TMEM131: variants seen among roughly 807,000 people sequenced by gnomAD.
The protein encoded by TMEM131 is 2610524E03Rik.
In TMEM131, 66 loss-of-function variants were observed where a neutral mutation model predicts 211.6. The ratio of observed to expected loss-of-function variants is 0.31; its 90% CI spans 0.26 to 0.38. The LOEUF (loss-of-function observed/expected upper bound fraction) is 0.38, where lower values mean the gene tolerates loss of function less well. Among genes scored for constraint, TMEM131 ranks in the 10% least tolerant of loss-of-function variants. The probability of loss-of-function intolerance (pLI) is 1.00; values close to 1 mark genes in which losing one functional copy is unlikely to be tolerated. For missense variants in TMEM131, 2,036 were observed against 2,299.3 expected (o/e 0.89, Z 2.34); for synonymous variants, 844 against 841.3 (o/e 1.00, Z -0.06).
chr2:97,922,699 A>G (rs1257840598), intron 2 of TMEM131, among the ~76,000 whole-genome samples: 2 of 152,188 alleles, frequency 1.3e-5, no homozygotes, highest in African/African-American at 4.8e-5. Context: ...TGTTAAAATT[A>G]CAGGGAAAGG....
At chr2:97,978,894 T>G (rs1210417409) in intron 1 of TMEM131, among the ~76,000 whole-genome samples, 1 of 152,204 alleles carries the variant, frequency 6.6e-6, no homozygotes, top group East Asian at 1.9e-4. Flanking sequence ...CAGATCCAAC[T>G]GAGGACTCAG....
intron 1 of TMEM131, among the ~76,000 whole-genome samples, chr2:97,988,963 T>C (rs896723245): frequency 6.6e-6 from 1 of 152,220 alleles, no homozygotes; most frequent in African/African-American, 2.4e-5. Context: ...CATACTCAAC[T>C]TCACAGCATT....
At chr2:97,981,209 C>G (rs1679783136) in intron 1 of TMEM131, among the ~76,000 whole-genome samples, 1 of 151,854 alleles carries the variant, frequency 6.6e-6, no homozygotes, top group African/African-American at 2.4e-5. Context: ...GCATAATGAT[C>G]CATTATGTGG....
At chr2:97,957,916 C>T (rs1190866953) in intron 1 of TMEM131, among the ~76,000 whole-genome samples, 1 of 152,158 alleles carries the variant, frequency 6.6e-6, no homozygotes, top group Non-Finnish European at 1.5e-5. Flanking sequence ...CCTCAAGGAA[C>T]TCATACACTG....
intron 8 of TMEM131, 126 bp downstream of exon 8, chr2:97,836,951 T>C: frequency 1.3e-6 from 1 of 747,910 alleles, no homozygotes; most frequent in Non-Finnish European, 2.2e-6. Context: ...TAAATTAACA[T>C]TAAGACAACG....
At chr2:97,784,687 A>C (rs1271155509) in intron 31 of TMEM131, among the ~76,000 whole-genome samples, 1 of 151,914 alleles carries the variant, frequency 6.6e-6, no homozygotes, top group Non-Finnish European at 1.5e-5. Context: ...TCCACTTTAC[A>C]TAACTAAAAA....
chr2:97,962,865 T>C (rs1678883277), intron 1 of TMEM131, among the ~76,000 whole-genome samples: 1 of 152,206 alleles, frequency 6.6e-6, no homozygotes. Flanking sequence ...TAACGTGAAT[T>C]TCAAAAGCAT....
In TMEM131 at chr2:97,818,463, CGGGGG is replaced by C. The variant is rs1184208506; in HGVS notation, c.1183+145_1183+149del. On this transcript the variant is annotated intron_variant, in intron 12 of 40. Transcript: ENST00000186436. ...AGTAAGAGTTCATGATGGTTTACAG[CGGGGG>C]GGGGCGGGGGGGGATCAACCTAAGC... 9.2e-5 allele frequency: 26 copies of C among 283,890 alleles called. 4 individuals carry two copies. Among genetic ancestry groups the C allele is most frequent in the African/African-American group, 1.4e-4 (2 of 14,002 alleles). 17.6% of individuals were successfully genotyped at this position (283,890 alleles called of 1,614,324 possible). A position where few individuals can be genotyped will look rare whatever the true frequency, so the allele number is the denominator to read the frequency against.
chr2:97,882,139 G>A (rs1674961928), intron 4 of TMEM131, among the ~76,000 whole-genome samples: 1 of 152,134 alleles, frequency 6.6e-6, no homozygotes, highest in South Asian at 2.1e-4. Flanking sequence ...ATTTTCTAGA[G>A]TCAGAAGTTC....
chr2:97,821,175 C>A (rs759404413), intron 11 of TMEM131, among the ~76,000 whole-genome samples: 2 of 152,132 alleles, frequency 1.3e-5, no homozygotes, highest in Non-Finnish European at 2.9e-5. Flanking sequence ...TGTAAACACA[C>A]CAATCAGTGC....
At chr2:97,995,437 G>A in intron 1 of TMEM131, 39 bp downstream of exon 1, 1 of 1,327,296 alleles carries the variant, frequency 7.5e-7, no homozygotes, top group Non-Finnish European at 9.6e-7. Context: ...AGAGCGGGGT[G>A]ACAGCCCCGC....
chr2:97,872,841 G>C lies in TMEM131; in HGVS notation c.360-13414C>G, dbSNP rs745981182. Among the ~76,000 whole-genome samples, 67 of 152,176 alleles carry C rather than the reference G, an allele frequency of 4.4e-4. 1 individual carries two copies. The highest frequency in any genetic ancestry group is 3.7e-3 in the Admixed American group (56 of 15,284). ...TGGGCAGTCACCGAACTAACTTCATGAGTTCTTTTTTTTCCATACCCCATT... is the reference window on the plus strand; with the variant it reads ...TGGGCAGTCACCGAACTAACTTCATCAGTTCTTTTTTTTCCATACCCCATT... On this transcript the variant is annotated intron_variant, in intron 4 of 40. Coordinates refer to ENST00000186436, the MANE Select transcript of TMEM131 (RefSeq NM_015348.2).
At chr2:97,971,147 T>C (rs1318208292) in intron 1 of TMEM131, among the ~76,000 whole-genome samples, 2 of 152,234 alleles carry the variant, frequency 1.3e-5, no homozygotes, top group Admixed American at 6.5e-5. Flanking sequence ...AGAGCTGCTA[T>C]ACATAAATTA....
chr2:97,940,764 G>A (rs1490811629), intron 1 of TMEM131, among the ~76,000 whole-genome samples: 3 of 150,616 alleles, frequency 2.0e-5, no homozygotes, highest in Admixed American at 2.0e-4. Context: ...AGCCAAGATC[G>A]TGGCACTGCA....
intron 12 of TMEM131, among the ~76,000 whole-genome samples, chr2:97,817,983 T>C (rs1334478220): frequency 2.0e-5 from 3 of 152,230 alleles, no homozygotes; most frequent in Non-Finnish European, 4.4e-5. Flanking sequence ...TAAGTCATTA[T>C]TTTAAAAATG....
intron 1 of TMEM131, among the ~76,000 whole-genome samples, chr2:97,938,595 C>T (rs1214997323): frequency 1.3e-5 from 2 of 152,122 alleles, no homozygotes; most frequent in Non-Finnish European, 2.9e-5. Flanking sequence ...TTCAACACCC[C>T]ACTGTCAACA....
chr2:97,766,772 G>C (rs948045785), intron 33 of TMEM131, among the ~76,000 whole-genome samples, 170 bp from the exon 34 acceptor site: 78 of 152,178 alleles, frequency 5.1e-4, no homozygotes, highest in African/African-American at 1.9e-3. Flanking sequence ...CATGCCCAAC[G>C]CTGTAGCTAA....
intron 1 of TMEM131, among the ~76,000 whole-genome samples, chr2:97,971,754 CAG>C (rs1679304633): frequency 6.6e-6 from 1 of 152,164 alleles, no homozygotes; most frequent in South Asian, 2.1e-4. Flanking sequence ...CCCAGCTACT[CAG>C]GGGGCTGAGG....
Position 97,995,636 on chromosome 2 carries a change from T to G in TMEM131, c.27A>C (p.Ala9=), listed in dbSNP as rs1680475432. Residue 9 remains alanine, a synonymous_variant, in exon 1 of 41, where the codon GCA becomes GCC. Transcript: ENST00000186436. MGKRAGGG[A]TGATTAAVST... The stretch of plus-strand genomic sequence containing the variant: ...AGACGGCGGCGGTGGTGGCTCCGGT[T>G]GCTCCTCCTCCCGCCCGCTTCCCCA... 4 of 1,225,534 alleles carry G rather than the reference T, an allele frequency of 3.3e-6. No individual in the cohort carries two copies. Among genetic ancestry groups the G allele is most frequent in the Admixed American group, 4.4e-5 (1 of 22,982 alleles). The allele number at this position is 1,225,534 out of a possible 1,614,324, so 75.9% of individuals were successfully genotyped here.
Sources: allele counts gnomAD v4.1 joint callset (sites outside exome capture counted in the v4.1 genomes callset), GRCh38; gene constraint gnomAD v4.1.1; transcripts MANE v1.5; gene names NCBI Gene and HGNC (gene_info 2026-07-23, HGNC 2026-07-21).